The following LRFN5 variants were observed in gnomAD, a reference collection of about 807,000 sequenced individuals.
The protein encoded by LRFN5 is leucine rich repeat and fibronectin type III domain containing 5, also known as leucine-rich repeat and fibronectin type-III domain-containing protein 5.
Under a neutral mutation model 45.6 loss-of-function variants are expected in LRFN5, and 24 were observed. The ratio of observed to expected loss-of-function variants is 0.53; its 90% CI spans 0.38 to 0.74. The LOEUF (loss-of-function observed/expected upper bound fraction) is 0.74. LRFN5 is among the 30% of genes least tolerant of loss of function. The probability of loss-of-function intolerance (pLI) is 0.00; values close to 1 mark genes in which losing one functional copy is unlikely to be tolerated. For missense variants in LRFN5, 776 were observed against 861.5 expected (o/e 0.90, Z 1.24); for synonymous variants, 340 against 313.8 (o/e 1.08, Z -0.88).
At chr14:41,718,220 A>G (rs1883569008) in intron 1 of LRFN5, among the ~76,000 whole-genome samples, 1 of 152,198 alleles carries the variant, frequency 6.6e-6, no homozygotes, top group Admixed American at 6.5e-5. Context: ...TCATCTGTCA[A>G]AAGGAAATAT....
intron 1 of LRFN5, among the ~76,000 whole-genome samples, chr14:41,609,682 T>A (rs967618101): frequency 6.6e-5 from 10 of 152,180 alleles, no homozygotes; most frequent in Non-Finnish European, 1.2e-4. Context: ...TCTGAATAAT[T>A]TAACTAAGGA....
chr14:41,684,733 G>A (rs1456067955), intron 1 of LRFN5, among the ~76,000 whole-genome samples: 1 of 152,094 alleles, frequency 6.6e-6, no homozygotes, highest in Admixed American at 6.6e-5. Context: ...GTAGGACATC[G>A]GAATGGGCAA....
chr14:41,842,517 AG>A (rs1243248707), intron 2 of LRFN5, among the ~76,000 whole-genome samples: 5 of 150,296 alleles, frequency 3.3e-5, no homozygotes, highest in African/African-American at 1.2e-4. Flanking sequence ...TTGTACATTA[AG>A]GGTTACACTT....
At chr14:41,831,537 T>C (rs536165772) in intron 2 of LRFN5, among the ~76,000 whole-genome samples, 1 of 152,318 alleles carries the variant, frequency 6.6e-6, no homozygotes, top group South Asian at 2.1e-4. Context: ...TGTTTATGTT[T>C]GTAAGTATAT....
At chr14:41,894,515 C>T (rs1010445139) in intron 4 of LRFN5, 4 of 965,806 alleles carry the variant, frequency 4.1e-6, no homozygotes, top group Non-Finnish European at 4.9e-6. Flanking sequence ...GAGATTTTGC[C>T]CTTCAAAAAG....
intron 2 of LRFN5, among the ~76,000 whole-genome samples, chr14:41,808,581 GGAAGGAAGGAAGGAAC>G (rs1887626701): frequency 6.0e-4 from 79 of 131,830 alleles, no homozygotes; most frequent in African/African-American, 1.6e-3. Flanking sequence ...AAGGAAGGAA[GGAAGGAAGGAAGGAAC>G]GAAGGAAGGA....
At chr14:41,824,428 T>C (rs951452333) in intron 2 of LRFN5, among the ~76,000 whole-genome samples, 3 of 152,168 alleles carry the variant, frequency 2.0e-5, no homozygotes, top group Non-Finnish European at 2.9e-5. Flanking sequence ...GTTCCTTGGT[T>C]GTAGAAGCTT....
chr14:41,841,590 T>G (rs1403001114), intron 2 of LRFN5, among the ~76,000 whole-genome samples: 1 of 151,928 alleles, frequency 6.6e-6, no homozygotes, highest in Admixed American at 6.6e-5. Context: ...CATGAGTGTA[T>G]CAGAATTTCT....
intron 2 of LRFN5, among the ~76,000 whole-genome samples, chr14:41,829,883 A>G (rs1348695321): frequency 6.6e-6 from 1 of 151,220 alleles, no homozygotes; most frequent in Non-Finnish European, 1.5e-5. Context: ...AAATGTATTT[A>G]CTTGAATGCT....
chr14:41,899,357 A>G (rs1891037097), intron 5 of LRFN5, among the ~76,000 whole-genome samples: 1 of 152,128 alleles, frequency 6.6e-6, no homozygotes, highest in African/African-American at 2.4e-5. Context: ...TAGAGCTGAG[A>G]TGACACATTA....
At chr14:41,651,467 G>C (rs1880122445) in intron 1 of LRFN5, among the ~76,000 whole-genome samples, 1 of 152,066 alleles carries the variant, frequency 6.6e-6, no homozygotes, top group African/African-American at 2.4e-5. Context: ...ACTTGAAATG[G>C]AAAACAAAAA....
intron 1 of LRFN5, among the ~76,000 whole-genome samples, chr14:41,766,528 A>G (rs1405831957): frequency 1.3e-5 from 2 of 151,452 alleles, no homozygotes; most frequent in African/African-American, 4.8e-5. Flanking sequence ...TAACTTATGC[A>G]CTGTTTTAAC....
At chr14:41,855,322 CAG>C (rs926724627) in intron 2 of LRFN5, among the ~76,000 whole-genome samples, 6 of 152,110 alleles carry the variant, frequency 3.9e-5, no homozygotes, top group South Asian at 2.1e-4. Context: ...AACCTGGAGA[CAG>C]GGGAGGGTTT....
intron 2 of LRFN5, among the ~76,000 whole-genome samples, chr14:41,770,085 A>G (rs942268752): frequency 6.6e-6 from 1 of 152,128 alleles, no homozygotes; most frequent in African/African-American, 2.4e-5. Context: ...AGCAGGAGAG[A>G]AAGTGGGGAG....
chr14:41,648,499 C>T (rs998958762), intron 1 of LRFN5, among the ~76,000 whole-genome samples: 1 of 151,684 alleles, frequency 6.6e-6, no homozygotes, highest in African/African-American at 2.4e-5. Flanking sequence ...TGGCAGTTGC[C>T]AATTGAAAAA....
chr14:41,622,593 A>G (rs1201704146), intron 1 of LRFN5, among the ~76,000 whole-genome samples: 1 of 152,116 alleles, frequency 6.6e-6, no homozygotes, highest in Non-Finnish European at 1.5e-5. Context: ...AAGTTTACAA[A>G]TAAACAAGCT....
At chr14:41,895,851 CTCTAAACATAACAAG>C (rs940762644) in intron 4 of LRFN5, among the ~76,000 whole-genome samples, 1 of 151,838 alleles carries the variant, frequency 6.6e-6, no homozygotes, top group African/African-American at 2.4e-5. Context: ...TCTAAGAAAT[CTCTAAACATAACAAG>C]TCTAATCTTT....
chr14:41,797,644 A>G (rs1176488013), intron 2 of LRFN5, among the ~76,000 whole-genome samples: 1 of 151,564 alleles, frequency 6.6e-6, no homozygotes, highest in Non-Finnish European at 1.5e-5. Flanking sequence ...TTTAAATTAT[A>G]TTATATAAAA....
At chr14:41,618,801 A>G (rs1045611594) in intron 1 of LRFN5, among the ~76,000 whole-genome samples, 1 of 152,226 alleles carries the variant, frequency 6.6e-6, no homozygotes, top group Non-Finnish European at 1.5e-5. Context: ...TTCAACAAAT[A>G]TTTGTTAAAT....
Sources: gnomAD v4.1 joint callset for allele counts (sites outside exome capture counted in the v4.1 genomes callset) on GRCh38, gnomAD v4.1.1 for gene constraint, MANE v1.5 for transcripts, NCBI Gene and HGNC (gene_info 2026-07-23, HGNC 2026-07-21) for gene names.